DHX30: variants seen among roughly 807,000 people sequenced by gnomAD.
DHX30 encodes DExH-box helicase 30.
DHX30 carries 4 observed loss-of-function variants against 116.9 expected under a neutral mutation model. The observed-to-expected ratio is 0.03, with a 90% CI of 0.02 to 0.08. DHX30 has a LOEUF of 0.08. DHX30 is among the 10% of genes least tolerant of loss of function. The pLI is 1.00. For synonymous variants in DHX30, 697 were observed against 651.7 expected, an observed-to-expected ratio of 1.07 and a Z score of -1.06; for missense variants, 871 against 1,595.1, an observed-to-expected ratio of 0.55 and a Z score of 7.73.
intron 3 of DHX30, among the ~76,000 whole-genome samples, chr3:47,814,458 A>T (rs926431134): frequency 2.7e-4 from 40 of 147,982 alleles, no homozygotes; most frequent in Non-Finnish European, 4.8e-4. Context: ...AGAAAAAAAA[A>T]TTTTTTTTTC....
rs2037455870 is a variant in DHX30 at position 47,843,112 on chromosome 3, A to G, written c.796A>G (p.Met266Val). 6.2e-7 allele frequency: 1 copy of G among 1,613,998 alleles called. No individual in the cohort carries two copies. The highest frequency in any genetic ancestry group is 1.3e-5 in the African/African-American group (1 of 74,930). Reference sequence around the variant, plus strand: ...TCTCTTGCCTTCCATGTAGAACCTCATGCAGTTCCATACTGTGGGCACCAA... The same window carrying G: ...TCTCTTGCCTTCCATGTAGAACCTCGTGCAGTTCCATACTGTGGGCACCAA... The part of the protein sequence containing the change: ...ATSSSTAKNL[M>V]QFHTVGTKTK... Residue 266 changes from methionine to valine, a missense_variant, in exon 9 of 22, where the codon ATG (methionine) becomes GTG (valine). Met to Val is a conservative substitution (Grantham distance 21). Coordinates refer to ENST00000445061, the MANE Select transcript of DHX30 (RefSeq NM_138615.3).
chr3:47,821,787 T>C (rs1004053232), intron 4 of DHX30, among the ~76,000 whole-genome samples: 2 of 151,762 alleles, frequency 1.3e-5, no homozygotes, highest in South Asian at 2.1e-4. Flanking sequence ...TTAGTAGAGA[T>C]GGAGTTTCAC....
At chr3:47,836,124 C>CT (rs890908291) in intron 6 of DHX30, among the ~76,000 whole-genome samples, 1 of 152,292 alleles carries the variant, frequency 6.6e-6, no homozygotes, top group East Asian at 1.9e-4. Flanking sequence ...TAAACTCAGA[C>CT]TTTTGTTTTT....
rs183492718 is a variant in DHX30 at position 47,846,881 on chromosome 3, T to C, written c.1809T>C (p.Phe603=). 4.3e-6 allele frequency: 7 copies of C among 1,613,158 alleles called. No individual in the cohort carries two copies. The South Asian group carries it at 4.4e-5, about 10-fold the overall frequency. Reference sequence around the variant, plus strand: ...ACAATGAGCGCTTCTCCCGATACTTTGGTGGCTGCCCCGTCATCAAGGTGC... The same window carrying C: ...ACAATGAGCGCTTCTCCCGATACTTCGGTGGCTGCCCCGTCATCAAGGTGC... ...TGDNERFSRY[F]GGCPVIKVPG... Residue 603 remains phenylalanine, a synonymous_variant, in exon 11 of 22, where the codon TTT becomes TTC. Transcript: ENST00000445061.
intron 6 of DHX30, among the ~76,000 whole-genome samples, chr3:47,835,459 T>C (rs570428792): frequency 5.8e-4 from 87 of 150,448 alleles, no homozygotes; most frequent in Admixed American, 8.6e-4. Flanking sequence ...TGAGCCACTG[T>C]GCCCGGCCAA....
At chr3:47,838,549 A>G (rs980635893) in intron 6 of DHX30, among the ~76,000 whole-genome samples, 1 of 152,228 alleles carries the variant, frequency 6.6e-6, no homozygotes, top group African/African-American at 2.4e-5. Flanking sequence ...TCAAAAACCC[A>G]AGGAGAAAGT....
intron 6 of DHX30, among the ~76,000 whole-genome samples, chr3:47,835,306 G>A (rs1420894755): frequency 6.6e-6 from 1 of 152,090 alleles, no homozygotes; most frequent in African/African-American, 2.4e-5. Context: ...GAGTAGCTGG[G>A]ATTACAGGCA....
At chr3:47,816,955 C>T in intron 3 of DHX30, 1 of 984,538 alleles carries the variant, frequency 1.0e-6, no homozygotes, top group Non-Finnish European at 1.2e-6. Flanking sequence ...TTCTTTCCTG[C>T]TGAAGATTAT....
intron 4 of DHX30, chr3:47,819,132 AT>A: frequency 9.9e-7 from 1 of 1,014,380 alleles, no homozygotes; most frequent in Non-Finnish European, 1.4e-6. Context: ...CCCCCTGACC[AT>A]TTGACTTAGG....
rs2036131836 is a variant in DHX30, at chr3:47,817,945, CTGAG to C, written c.29-71_29-68del. Reference sequence around the variant, plus strand: ...TTGCCCAGAGCTCCTCACGGATGCTCTGAGTGAGTCAGTTCAGGGGTCTGTGACT... The same window carrying C: ...TTGCCCAGAGCTCCTCACGGATGCTCTGAGTCAGTTCAGGGGTCTGTGACT... On this transcript the variant is annotated intron_variant, in intron 3 of 21. Coordinates refer to ENST00000445061, the MANE Select transcript of DHX30 (RefSeq NM_138615.3). 14 of 780,200 alleles carry C rather than the reference CTGAG, an allele frequency of 1.8e-5. No individual in the cohort carries two copies. In the South Asian group the frequency reaches 1.9e-4, roughly 10 times the overall value. The allele number at this position is 780,200 out of a possible 1,614,324, so 48.3% of individuals were successfully genotyped here. A position where few individuals can be genotyped will look rare whatever the true frequency, so the allele number is the denominator to read the frequency against.
At chr3:47,803,648 C>A (rs917563983) in intron 1 of DHX30, among the ~76,000 whole-genome samples, 5 of 152,186 alleles carry the variant, frequency 3.3e-5, no homozygotes, top group African/African-American at 9.7e-5. Context: ...CCGGACCGTT[C>A]GTCCAGAGGG....
At chr3:47,838,462 C>A (rs2037222436) in intron 6 of DHX30, among the ~76,000 whole-genome samples, 1 of 152,182 alleles carries the variant, frequency 6.6e-6, no homozygotes, top group Non-Finnish European at 1.5e-5. Flanking sequence ...CTTTCTGACC[C>A]ACCTTAGTTC....
At chr3:47,826,949 T>A (rs1252679539) in intron 4 of DHX30, among the ~76,000 whole-genome samples, 1 of 152,194 alleles carries the variant, frequency 6.6e-6, no homozygotes, top group Non-Finnish European at 1.5e-5. Flanking sequence ...CTCCAGTTTG[T>A]GTGTGTGGTG....
In DHX30 at chr3:47,820,236, C is replaced by T. The variant is rs180912450; in HGVS notation, c.124+2119C>T. ...GGCTGAGGCAGGAGAATTGCTTGAA[C>T]GCAGGAGGCGGGGGTTGCAGTGAGC... On this transcript the variant is annotated intron_variant, in intron 4 of 21. Coordinates refer to ENST00000445061, the MANE Select transcript of DHX30 (RefSeq NM_138615.3). Among the ~76,000 whole-genome samples, 15 of 152,130 alleles carry T rather than the reference C, an allele frequency of 9.9e-5. No individual in the cohort carries two copies. The East Asian group carries it at 2.3e-3, about 24-fold the overall frequency.
intron 3 of DHX30, among the ~76,000 whole-genome samples, chr3:47,811,775 C>T (rs1242993903): frequency 6.6e-6 from 1 of 151,956 alleles, no homozygotes; most frequent in African/African-American, 2.4e-5. Context: ...ACAATTTAAA[C>T]AAGATTGGCT....
rs78902211 is a variant in DHX30 at position 47,847,758 on chromosome 3, C to CT, written c.2111-22dup. On this transcript the variant is annotated intron_variant, in intron 13 of 21. Transcript: ENST00000445061. This position sits in a 1 kb window ranked among gnomAD's most constrained non-coding sequence, Gnocchi z 5.5. ...ATTCTGGTGGAAGCAGTGCCCATAA[C>CT]TGGTGTGTGTCTTGCCCACCAGTGC... 9.8e-3 allele frequency: 15,828 copies of CT among 1,607,892 alleles called. 1,504 individuals carry two copies. The East Asian group carries it at 0.24, about 24-fold the overall frequency.
rs773774044 is a variant in DHX30, at chr3:47,845,754, C to T, written c.994C>T (p.Leu332=). 7 of 1,612,800 alleles carry T rather than the reference C, an allele frequency of 4.3e-6. No homozygotes were observed. Among genetic ancestry groups the T allele is most frequent in the Non-Finnish European group, 5.9e-6 (7 of 1,178,848 alleles). Residue 332 remains leucine, a synonymous_variant, in exon 10 of 22, where the codon CTG becomes TTG. Transcript: ENST00000445061. ...ACCGCTTACACACGCCATGTATAAC[C>T]TGGCCTCTTTGCGTGAGCTGGGTGA... ...NEPLTHAMYN[L]ASLRELGETQ...
Position 47,849,173 on chromosome 3 carries a change from A to G in DHX30, c.2930-19A>G, listed in dbSNP as rs900022385. The G allele has an allele frequency of 1.2e-6, 2 of 1,613,616 alleles. No homozygotes were observed. Among genetic ancestry groups the G allele is most frequent in the African/African-American group, 2.7e-5 (2 of 75,048 alleles). On this transcript the variant is annotated intron_variant, in intron 18 of 21. Coordinates refer to ENST00000445061, the MANE Select transcript of DHX30 (RefSeq NM_138615.3). Reference sequence around the variant, plus strand: ...TGTGGCTAGGGGCTGTAGGTCCACCACACATTCTGTCTCCCTAGGACTCAT... The same window carrying G: ...TGTGGCTAGGGGCTGTAGGTCCACCGCACATTCTGTCTCCCTAGGACTCAT...
At chr3:47,849,829 C>A in intron 21 of DHX30, 38 bp from the exon 22 acceptor site, 1 of 1,609,116 alleles carries the variant, frequency 6.2e-7, no homozygotes, top group Non-Finnish European at 8.5e-7. Flanking sequence ...GGGGCCTGGC[C>A]TCACCACAGT....
Sources: allele counts gnomAD v4.1 joint callset (sites outside exome capture counted in the v4.1 genomes callset), GRCh38; gene constraint gnomAD v4.1.1; non-coding constraint Gnocchi (gnomAD v3.1); transcripts MANE v1.5; gene names NCBI Gene and HGNC (gene_info 2026-07-23, HGNC 2026-07-21).